The following SPAG17 variants were observed in gnomAD, a reference collection of about 807,000 sequenced individuals.
SPAG17 encodes sperm associated antigen 17, also known as sperm-associated antigen 17.
A neutral mutation model predicts 273.6 loss-of-function variants in SPAG17; 169 were observed. The observed-to-expected ratio is 0.62, with a 90% CI of 0.55 to 0.70. SPAG17 has a LOEUF of 0.70. Ranked by LOEUF, SPAG17 falls within the 30% of genes least tolerant of loss-of-function variation. The probability of loss-of-function intolerance (pLI) is 0.00; values close to 1 mark genes in which losing one functional copy is unlikely to be tolerated. For synonymous variants in SPAG17, 825 were observed against 873.2 expected (o/e 0.94, Z 0.97); for missense variants, 2,557 against 2,627.8 (o/e 0.97, Z 0.59).
intron 4 of SPAG17, among the ~76,000 whole-genome samples, chr1:118,103,382 C>A (rs1395269998): frequency 6.6e-6 from 1 of 152,146 alleles, no homozygotes; most frequent in Non-Finnish European, 1.5e-5. Flanking sequence ...TGCTGGTATT[C>A]ATCTATTCAT....
intron 18 of SPAG17, among the ~76,000 whole-genome samples, chr1:118,058,698 A>T (rs1421895545): frequency 6.6e-6 from 1 of 152,108 alleles, no homozygotes; most frequent in East Asian, 1.9e-4. Flanking sequence ...TCTTAGTTTA[A>T]CCCCAGTAAT....
chr1:118,131,316 G>A (rs1471217167), intron 3 of SPAG17, among the ~76,000 whole-genome samples: 5 of 152,018 alleles, frequency 3.3e-5, no homozygotes, highest in Admixed American at 1.3e-4. Context: ...TCCCCTGCTC[G>A]GGAGGCTCTT....
intron 1 of SPAG17, among the ~76,000 whole-genome samples, chr1:118,154,771 T>C (rs929663882): frequency 2.0e-5 from 3 of 152,076 alleles, no homozygotes; most frequent in Non-Finnish European, 4.4e-5. Flanking sequence ...GGGTAGACCA[T>C]TGTGGGCAAA....
In SPAG17 at chr1:118,086,913, C is replaced by T. The variant is rs1655040390; in HGVS notation, c.1455G>A (p.Val485=). ...GLDHRIAAHI[V]SLLPSLCLSE... ...AGAGACAGAGTGAGGGCAGAAGGGA[C>T]ACAATGTGAGCTGCGATTCTGTGGT... Residue 485 remains valine, a synonymous_variant, in exon 11 of 49, where the codon GTG becomes GTA. Transcript: ENST00000336338. The T allele has an allele frequency of 1.9e-6, 3 of 1,613,268 alleles. No individual in the cohort carries two copies. The highest frequency in any genetic ancestry group is 2.7e-5 in the African/African-American group (2 of 74,946).
chr1:118,071,631 C>T (rs986643589), intron 17 of SPAG17, among the ~76,000 whole-genome samples: 3 of 151,256 alleles, frequency 2.0e-5, no homozygotes, highest in East Asian at 1.9e-4. Flanking sequence ...GGCGACACAG[C>T]GAGACATCAT....
chr1:118,160,858 T>G (rs1659874843), intron 1 of SPAG17, among the ~76,000 whole-genome samples: 1 of 152,174 alleles, frequency 6.6e-6, no homozygotes, highest in Admixed American at 6.5e-5. Flanking sequence ...AGAAAGAGGA[T>G]CCAGGGAGCA....
Position 117,981,386 on chromosome 1 carries a change from T to G in SPAG17, c.5888A>C (p.Lys1963Thr), listed in dbSNP as rs1175634312. ...SDLNLDFKPH[K>T]VSEQKSSSVP... ...ACTTGAGGATTTCTGTTCTGAAACC[T>G]TATGTGGCTTGAAATCTAGAAAACC... Residue 1963 changes from lysine to threonine, a missense_variant, in exon 43 of 49, where the codon AAG (lysine) becomes ACG (threonine). Coordinates refer to ENST00000336338, the MANE Select transcript of SPAG17 (RefSeq NM_206996.4). 6.3e-7 allele frequency: 1 copy of G among 1,592,852 alleles called. No individual in the cohort carries two copies. Among genetic ancestry groups the G allele is most frequent in the Admixed American group, 1.9e-5 (1 of 52,456 alleles).
chr1:117,967,701 A>T (rs1654035514), intron 46 of SPAG17, among the ~76,000 whole-genome samples: 1 of 152,210 alleles, frequency 6.6e-6, no homozygotes, highest in Admixed American at 6.5e-5. Context: ...AACAAAGAAG[A>T]AACCTGATAC....
In SPAG17 at chr1:118,013,337, C is replaced by T. The variant is rs551572231; in HGVS notation, c.4288-965G>A. ...GCAGGTGATTTTCACCTGTTTAGCT[C>T]TTTATGGTAGGTGGCAGTCACTACT... On this transcript the variant is annotated intron_variant, in intron 29 of 48. Transcript: ENST00000336338. Among the ~76,000 whole-genome samples, 255 of 152,218 alleles carry T rather than the reference C, an allele frequency of 1.7e-3. 3 individuals carry two copies. The highest frequency in any genetic ancestry group is 5.5e-3 in the African/African-American group (228 of 41,528).
intron 18 of SPAG17, 70 bp from the exon 19 acceptor site, chr1:118,055,984 T>C (rs1315990460): frequency 1.5e-6 from 2 of 1,317,080 alleles, no homozygotes; most frequent in Non-Finnish European, 2.1e-6. Flanking sequence ...ATATTGACTG[T>C]GCAAATAAAC....
rs967520828 is a variant in SPAG17 at position 118,091,855 on chromosome 1, A to G, written c.1246+75T>C. 8.1e-6 allele frequency: 12 copies of G among 1,475,548 alleles called. 2 individuals carry two copies. In the Middle Eastern group the frequency reaches 1.6e-3, roughly 194 times the overall value. The allele number at this position is 1,475,548 out of a possible 1,614,324, so 91.4% of individuals were successfully genotyped here. A position where few individuals can be genotyped will look rare whatever the true frequency, so the allele number is the denominator to read the frequency against. On this transcript the variant is annotated intron_variant, in intron 9 of 48. Transcript: ENST00000336338. ...TGTAGGTGAAGGGAGGCTGAAAGTAATATGGAGGGCAGTCATTATCTCTTA... is the reference window on the plus strand; with the variant it reads ...TGTAGGTGAAGGGAGGCTGAAAGTAGTATGGAGGGCAGTCATTATCTCTTA...
chr1:118,051,945 T>G (rs1651085073), intron 20 of SPAG17, among the ~76,000 whole-genome samples: 1 of 137,068 alleles, frequency 7.3e-6, no homozygotes. Context: ...TATAATACTA[T>G]GTATACATAT....
intron 17 of SPAG17, among the ~76,000 whole-genome samples, chr1:118,068,177 G>C (rs1653179471): frequency 1.3e-5 from 2 of 150,786 alleles, no homozygotes. Flanking sequence ...ACATAATAAT[G>C]TTAGAAAAGG....
At chr1:118,067,991 T>C (rs1372100681) in intron 17 of SPAG17, among the ~76,000 whole-genome samples, 1 of 152,146 alleles carries the variant, frequency 6.6e-6, no homozygotes, top group Non-Finnish European at 1.5e-5. Context: ...GGCAGCTGCT[T>C]ATCCTGTTTC....
intron 18 of SPAG17, among the ~76,000 whole-genome samples, chr1:118,064,598 A>C: frequency 1.5e-5 from 1 of 68,110 alleles, no homozygotes; most frequent in African/African-American, 6.0e-5. Context: ...GGGTGGGGGG[A>C]GGGGGGAGGG....
rs983285714 is a variant in SPAG17 at position 118,005,409 on chromosome 1, T to A, written c.4776+5A>T. On this transcript the variant is annotated splice_donor_5th_base_variant and intron_variant, in intron 32 of 48. Transcript: ENST00000336338. ...CTCTCTCTCCATACCAAAGGTGCAC[T>A]TTACCTGAAAAGTGTTTCCCTCAGG... is the stretch of plus-strand genomic sequence containing the variant. 16 of 1,600,264 alleles carry A rather than the reference T, an allele frequency of 1.0e-5. No homozygotes were observed. Among genetic ancestry groups the A allele is most frequent in the Admixed American group, 3.5e-5 (2 of 57,842 alleles).
intron 43 of SPAG17, among the ~76,000 whole-genome samples, chr1:117,975,831 T>G (rs766404674): frequency 2.6e-5 from 4 of 152,218 alleles, no homozygotes; most frequent in Admixed American, 6.5e-5. Context: ...CCTTGCCGTA[T>G]GTGTACTACG....
chr1:118,083,314 C>T (rs980040586), intron 13 of SPAG17, among the ~76,000 whole-genome samples: 2 of 152,068 alleles, frequency 1.3e-5, no homozygotes. Flanking sequence ...GGCACATGAT[C>T]CAACCAACAT....
intron 3 of SPAG17, among the ~76,000 whole-genome samples, chr1:118,145,533 A>G (rs920104203): frequency 6.6e-6 from 1 of 152,228 alleles, no homozygotes; most frequent in Non-Finnish European, 1.5e-5. Flanking sequence ...TTTGCATTCT[A>G]CATTTTATTA....
Sources: gnomAD v4.1 joint callset for allele counts (sites outside exome capture counted in the v4.1 genomes callset) on GRCh38, gnomAD v4.1.1 for gene constraint, MANE v1.5 for transcripts, NCBI Gene and HGNC (gene_info 2026-07-23, HGNC 2026-07-21) for gene names.